PTPDC1: variants seen among roughly 807,000 people sequenced by gnomAD.
PTPDC1 encodes protein tyrosine phosphatase domain containing 1.
A neutral mutation model predicts 75.3 loss-of-function variants in PTPDC1; 53 were observed. That is an observed-to-expected ratio of 0.70 (90% CI 0.56 to 0.88). The LOEUF is 0.88. Among genes scored for constraint, PTPDC1 ranks in the 40% least tolerant of loss-of-function variants. The probability of loss-of-function intolerance (pLI) is 0.00; values close to 1 mark genes in which losing one functional copy is unlikely to be tolerated. For missense variants in PTPDC1, 925 were observed against 998.6 expected (o/e 0.93, Z 0.99); for synonymous variants, 349 against 366.2 (o/e 0.95, Z 0.54).
rs766898670 is a variant in PTPDC1, at chr9:94,084,551, C to T, written c.21C>T (p.Thr7=). The change falls in exon 1 of 9, where the codon ACC becomes ACT. Residue 7 remains threonine (T), a synonymous_variant. Transcript: ENST00000620992. ...GTGCCATGCAGGTGCAGGATGCAAC[C>T]AGGCGGCCCTCAGCCGTGCGCTTCC... The part of the protein sequence containing the change: MQVQDA[T]RRPSAVRFLS... The T allele has an allele frequency of 6.2e-7, 1 of 1,612,288 alleles. No individual in the cohort carries two copies. The highest frequency in any genetic ancestry group is 1.1e-5 in the South Asian group (1 of 91,020).
chr9:94,073,080 G>T lies in PTPDC1; in HGVS notation c.82+8259G>T, dbSNP rs377660623. Among the ~76,000 whole-genome samples, 471 of 152,298 alleles carry T rather than the reference G, an allele frequency of 3.1e-3. 22 individuals carry two copies. In the South Asian group the frequency reaches 0.093, roughly 30 times the overall value. ...CTTCTTCTATTTTCTGGAAGGCATT[G>T]TGGAAAATTGGTGCCCATTCTTCTT... On this transcript the variant is annotated intron_variant, in intron 2 of 9. Transcript: ENST00000375360.
At chr9:94,081,647 G>T (rs1278711391), upstream of PTPDC1, among the ~76,000 whole-genome samples, 2 of 152,220 alleles carry the variant, frequency 1.3e-5, no homozygotes, top group Non-Finnish European at 2.9e-5. Context: ...TAGCAAGAGT[G>T]GTTTGATTTG....
In PTPDC1 at chr9:94,085,403, A is replaced by G; in HGVS notation, c.397A>G (p.Lys133Glu). ...CTGGAGTGAGCAGGAGCAAGCCATT[A>G]AGGGGGTTTACTCATCCTGGTGAGT... ...ARWSEQEQAI[K>E]GVYSSWVTDN... Residue 133 changes from lysine to glutamate, a missense_variant, in exon 2 of 9, where the codon AAG (lysine) becomes GAG (glutamate). Coordinates refer to ENST00000620992, the MANE Select transcript of PTPDC1 (RefSeq NM_001253829.2). 1 of 1,614,114 alleles carries G rather than the reference A, an allele frequency of 6.2e-7. No individual in the cohort carries two copies. The highest frequency in any genetic ancestry group is 8.5e-7 in the Non-Finnish European group (1 of 1,179,992).
At chr9:94,096,344 T>C (rs1233036441) in intron 5 of PTPDC1, among the ~76,000 whole-genome samples, 5 of 152,134 alleles carry the variant, frequency 3.3e-5, no homozygotes, top group Middle Eastern at 3.2e-3. Flanking sequence ...ACATGATAGC[T>C]CTGCAGACAT....
At chr9:94,066,584 G>A (rs144707003) in intron 2 of PTPDC1, among the ~76,000 whole-genome samples, 8,022 of 151,902 alleles carry the variant, frequency 0.053, 288 homozygotes, top group East Asian at 0.15. Context: ...TTGAGATGGC[G>A]TCTCACTCTG....
chr9:94,066,987 T>C (rs1279953857), intron 2 of PTPDC1, among the ~76,000 whole-genome samples: 1 of 152,202 alleles, frequency 6.6e-6, no homozygotes, highest in Non-Finnish European at 1.5e-5. Context: ...CCCTCAAATA[T>C]GTACCATAAC....
intron 2 of PTPDC1, among the ~76,000 whole-genome samples, chr9:94,086,942 A>G (rs1827094388): frequency 6.6e-6 from 1 of 152,204 alleles, no homozygotes; most frequent in African/African-American, 2.4e-5. Context: ...TCATAACTGC[A>G]TGTCAGGATT....
At chr9:94,099,648 TTTTC>T (rs1379770174) in intron 6 of PTPDC1, among the ~76,000 whole-genome samples, 1 of 152,260 alleles carries the variant, frequency 6.6e-6, no homozygotes, top group Non-Finnish European at 1.5e-5. Flanking sequence ...AAATGAATTG[TTTTC>T]TTTATTTTCT....
intron 1 of PTPDC1, among the ~76,000 whole-genome samples, chr9:94,042,924 A>G (rs762689101): frequency 3.3e-4 from 50 of 152,218 alleles, no homozygotes; most frequent in Non-Finnish European, 6.2e-4. Flanking sequence ...ATTCCCTATC[A>G]AGAAACCACT....
At chr9:94,031,162 A>G (rs1374800568) in intron 1 of PTPDC1, 1 of 152,198 alleles carries the variant, frequency 6.6e-6, no homozygotes, top group East Asian at 1.9e-4. Context: ...CCGCACACTC[A>G]GTATGGTTCT....
At chr9:94,041,332 G>C (rs1240257724) in intron 1 of PTPDC1, among the ~76,000 whole-genome samples, 3 of 152,128 alleles carry the variant, frequency 2.0e-5, no homozygotes, top group Non-Finnish European at 4.4e-5. Flanking sequence ...TGATGCTGCC[G>C]TTTAGATAGT....
intron 1 of PTPDC1, among the ~76,000 whole-genome samples, chr9:94,036,980 A>G (rs1825292746): frequency 6.6e-6 from 1 of 152,196 alleles, no homozygotes; most frequent in African/African-American, 2.4e-5. Context: ...TTAAATTTTG[A>G]GCACTTACTA....
rs752479195 is a variant in PTPDC1, at chr9:94,084,791, A to G, written c.244+17A>G. On this transcript the variant is annotated intron_variant, in intron 1 of 8. Coordinates refer to ENST00000620992, the MANE Select transcript of PTPDC1 (RefSeq NM_001253829.2). ...AAAGTAAAGGTCTCTTTCTTCTTAT[A>G]GATTGCCATACCTATGTATATAAGT... 60 of 1,504,292 alleles carry G rather than the reference A, an allele frequency of 4.0e-5. No homozygotes were observed. Among genetic ancestry groups the G allele is most frequent in the Admixed American group, 1.4e-4 (7 of 48,546 alleles). The allele number at this position is 1,504,292 out of a possible 1,614,324, so 93.2% of individuals were successfully genotyped here.
chr9:94,067,217 A>G (rs916092301), intron 2 of PTPDC1, among the ~76,000 whole-genome samples: 2 of 151,836 alleles, frequency 1.3e-5, no homozygotes, highest in Non-Finnish European at 2.9e-5. Flanking sequence ...GTGAAACCCC[A>G]TCTCTACTAA....
intron 1 of PTPDC1, among the ~76,000 whole-genome samples, chr9:94,051,034 G>C (rs1825775585): frequency 6.6e-6 from 1 of 152,182 alleles, no homozygotes; most frequent in Admixed American, 6.5e-5. Flanking sequence ...ATAATCTCCT[G>C]GTGTGCCGTT....
At chr9:94,088,364 C>A in intron 4 of PTPDC1, 101 bp downstream of exon 4, 2 of 1,344,252 alleles carry the variant, frequency 1.5e-6, no homozygotes, top group Non-Finnish European at 2.0e-6. Context: ...AAATAAATAC[C>A]TTCTGCATCA....
At chr9:94,105,309 T>G (rs1025052550) in intron 8 of PTPDC1, among the ~76,000 whole-genome samples, 1 of 152,204 alleles carries the variant, frequency 6.6e-6, no homozygotes, top group Non-Finnish European at 1.5e-5. Flanking sequence ...CCTTTACATC[T>G]GTATTTACAC....
intron 1 of PTPDC1, among the ~76,000 whole-genome samples, chr9:94,039,335 A>G (rs1052237303): frequency 3.9e-5 from 6 of 152,226 alleles, no homozygotes; most frequent in Admixed American, 3.9e-4. Context: ...GATTAAATAA[A>G]TATATACTAG....
intron 8 of PTPDC1, 42 bp from the exon 9 acceptor site, chr9:94,107,786 T>C: frequency 8.4e-7 from 1 of 1,195,940 alleles, no homozygotes; most frequent in Non-Finnish European, 1.2e-6. Flanking sequence ...CTAGTTCAAA[T>C]TCTTGTTACA....
Sources: gnomAD v4.1 joint callset for allele counts (sites outside exome capture counted in the v4.1 genomes callset) on GRCh38, gnomAD v4.1.1 for gene constraint, MANE v1.5 for transcripts, NCBI Gene and HGNC (gene_info 2026-07-23, HGNC 2026-07-21) for gene names.